Variants in PLCL1 observed in about 807,000 individuals in gnomAD.
PLCL1 encodes inactive phospholipase C-like protein 1.
In PLCL1, 41 loss-of-function variants were observed where a neutral mutation model predicts 84.4. The observed-to-expected ratio is 0.49, with a 90% CI of 0.38 to 0.63. The LOEUF (loss-of-function observed/expected upper bound fraction) is 0.63, where lower values mean the gene tolerates loss of function less well. Ranked by LOEUF, PLCL1 falls within the 30% of genes least tolerant of loss-of-function variation. The pLI is 0.00. For missense variants in PLCL1, 1,206 were observed against 1,367.8 expected, an observed-to-expected ratio of 0.88 and a Z score of 1.87; for synonymous variants, 490 against 488.3, an observed-to-expected ratio of 1.00 and a Z score of -0.05.
rs561383325 is a variant in PLCL1, at chr2:198,084,447, T to G, written c.930T>G (p.Leu310=). The change falls in exon 2 of 6, where the codon CTT becomes CTG. Residue 310 remains leucine, a synonymous_variant. Transcript: ENST00000428675. ...EEEFCEAFCE[L]CTRPEVYFLL... The stretch of plus-strand genomic sequence containing the variant: ...AATTTTGTGAAGCTTTTTGTGAACT[T>G]TGCACCAGGCCAGAAGTGTATTTCT... 3 of 1,614,094 alleles carry G rather than the reference T, an allele frequency of 1.9e-6. No homozygotes were observed. Among genetic ancestry groups the G allele is most frequent in the African/African-American group, 2.7e-5 (2 of 75,052 alleles).
At chr2:197,929,335 A>G (rs1202567685) in intron 1 of PLCL1, among the ~76,000 whole-genome samples, 4 of 152,192 alleles carry the variant, frequency 2.6e-5, no homozygotes, top group African/African-American at 9.6e-5. Context: ...AACACCCTAG[A>G]AGGAAGCTCC....
Position 198,146,109 on chromosome 2 carries a change from CA to C in PLCL1, c.3106-670del, listed in dbSNP as rs543086992. 9.8e-5 allele frequency among the ~76,000 whole-genome samples: 15 copies of C among 152,288 alleles called. 1 individual carries two copies. In the South Asian group the frequency reaches 3.1e-3, roughly 32 times the overall value. Reference sequence around the variant, plus strand: ...CTCTGTTGGGCACTGATGTAAATGACAGCTAATGTGTTCCTGCAATCCTCAT... The same window carrying C: ...CTCTGTTGGGCACTGATGTAAATGACGCTAATGTGTTCCTGCAATCCTCAT... On this transcript the variant is annotated intron_variant, in intron 5 of 5. Transcript: ENST00000428675.
chr2:198,107,189 A>G (rs1693496003), intron 5 of PLCL1, among the ~76,000 whole-genome samples: 1 of 151,892 alleles, frequency 6.6e-6, no homozygotes, highest in African/African-American at 2.4e-5. Flanking sequence ...CAAAAGGTGG[A>G]AAAGCCCTTT....
At chr2:197,901,127 C>T (rs755046065) in intron 1 of PLCL1, among the ~76,000 whole-genome samples, 1 of 152,154 alleles carries the variant, frequency 6.6e-6, no homozygotes, top group African/African-American at 2.4e-5. Flanking sequence ...AAAGTGTACC[C>T]CTTTCATGAT....
chr2:198,005,945 T>C (rs1690719267), intron 1 of PLCL1, among the ~76,000 whole-genome samples: 1 of 152,230 alleles, frequency 6.6e-6, no homozygotes, highest in African/African-American at 2.4e-5. Context: ...AGTTAATGTG[T>C]GAATATAATA....
At chr2:198,009,785 A>G (rs1174519164) in intron 1 of PLCL1, among the ~76,000 whole-genome samples, 3 of 151,982 alleles carry the variant, frequency 2.0e-5, no homozygotes, top group East Asian at 3.8e-4. Context: ...GGACAACTTT[A>G]CAATATTAAG....
chr2:197,957,780 C>T (rs1224690026), intron 1 of PLCL1, among the ~76,000 whole-genome samples: 2 of 152,022 alleles, frequency 1.3e-5, no homozygotes, highest in Non-Finnish European at 2.9e-5. Context: ...CATGCCCTTC[C>T]TTATTTTCTT....
intron 3 of PLCL1, among the ~76,000 whole-genome samples, chr2:198,097,881 G>A (rs911723175): frequency 1.3e-5 from 2 of 152,174 alleles, no homozygotes; most frequent in African/African-American, 4.8e-5. Flanking sequence ...ATGACCGAGA[G>A]TTGACCACAC....
chr2:198,091,417 C>T (rs569688152), intron 3 of PLCL1, among the ~76,000 whole-genome samples: 1 of 152,204 alleles, frequency 6.6e-6, no homozygotes, highest in African/African-American at 2.4e-5. Flanking sequence ...GGCTGGATTA[C>T]ACTTGCAATC....
intron 1 of PLCL1, among the ~76,000 whole-genome samples, chr2:197,936,132 C>A (rs1689047121): frequency 2.2e-5 from 1 of 44,670 alleles, no homozygotes; most frequent in East Asian, 3.2e-4. Context: ...ATATTAAACA[C>A]CCCCCCCCTC....
intron 1 of PLCL1, among the ~76,000 whole-genome samples, chr2:197,844,213 C>T (rs1687073169): frequency 6.6e-6 from 1 of 152,034 alleles, no homozygotes; most frequent in Non-Finnish European, 1.5e-5. Context: ...TCTGTGTAAC[C>T]AGCACCTAGA....
At chr2:198,003,698 T>TGCAGAAGAATATATGGCCTAC (rs1235652067) in intron 1 of PLCL1, among the ~76,000 whole-genome samples, 1 of 152,242 alleles carries the variant, frequency 6.6e-6, no homozygotes, top group Non-Finnish European at 1.5e-5. Context: ...TAAAGTGGTT[T>TGCAGAAGAATATATGGCCTAC]GCAGAAGAAT....
intron 1 of PLCL1, among the ~76,000 whole-genome samples, chr2:197,877,944 C>A (rs1015815571): frequency 2.0e-5 from 3 of 152,010 alleles, no homozygotes; most frequent in Non-Finnish European, 4.4e-5. Flanking sequence ...TTATCAGGTT[C>A]TCAACAGTTA....
intron 1 of PLCL1, among the ~76,000 whole-genome samples, chr2:197,909,666 A>C (rs1245923747): frequency 1.3e-5 from 2 of 152,042 alleles, no homozygotes; most frequent in East Asian, 3.9e-4. Flanking sequence ...TCCCTCTCTG[A>C]GGGTATTTGG....
intron 1 of PLCL1, among the ~76,000 whole-genome samples, chr2:197,905,289 C>T (rs1045782113): frequency 6.6e-6 from 1 of 152,194 alleles, no homozygotes; most frequent in Non-Finnish European, 1.5e-5. Context: ...ATGTTCCCCT[C>T]CCTGTGTCCA....
In PLCL1 at chr2:197,911,984, G is replaced by C. The variant is rs533805862; in HGVS notation, c.240+106645G>C. On this transcript the variant is annotated intron_variant, in intron 1 of 5. Transcript: ENST00000428675. ...CACTTCATACATCTTAATGCTTCCA[G>C]GATTATTTTCTAATGCCAGTCCCTT... 2.4e-3 allele frequency among the ~76,000 whole-genome samples: 368 copies of C among 152,244 alleles called. 2 individuals are homozygous for C. Among genetic ancestry groups the C allele is most frequent in the African/African-American group, 7.8e-3 (325 of 41,542 alleles).
intron 1 of PLCL1, among the ~76,000 whole-genome samples, chr2:197,833,726 A>G (rs1395166516): frequency 6.6e-6 from 1 of 152,222 alleles, no homozygotes; most frequent in Non-Finnish European, 1.5e-5. Context: ...ATATAGTGAA[A>G]ATGGCCATAC....
At chr2:197,913,232 C>T (rs1409637103) in intron 1 of PLCL1, among the ~76,000 whole-genome samples, 1 of 152,154 alleles carries the variant, frequency 6.6e-6, no homozygotes, top group East Asian at 1.9e-4. Context: ...TGGAAGATAT[C>T]CATGTATATG....
chr2:197,842,067 G>C (rs578144937), intron 1 of PLCL1, among the ~76,000 whole-genome samples: 5 of 152,226 alleles, frequency 3.3e-5, no homozygotes, highest in African/African-American at 1.2e-4. Flanking sequence ...GATTTGTTTG[G>C]CCTCATAGGA....
Sources: allele counts gnomAD v4.1 joint callset (sites outside exome capture counted in the v4.1 genomes callset), GRCh38; gene constraint gnomAD v4.1.1; transcripts MANE v1.5; gene names NCBI Gene and HGNC (gene_info 2026-07-23, HGNC 2026-07-21).